The following TMEM266 variants were observed in gnomAD, a reference collection of about 807,000 sequenced individuals.
TMEM266 encodes the protein Hv1 related protein 1.
TMEM266 carries 33 observed loss-of-function variants against 50.5 expected under a neutral mutation model. The ratio of observed to expected loss-of-function variants is 0.65; its 90% CI spans 0.50 to 0.87. The LOEUF (loss-of-function observed/expected upper bound fraction) is 0.87, where lower values mean the gene tolerates loss of function less well. TMEM266 is among the 40% of genes least tolerant of loss of function. The pLI is 0.00. For synonymous variants in TMEM266, 310 were observed against 292.3 expected, an observed-to-expected ratio of 1.06 and a Z score of -0.62; for missense variants, 655 against 695.1, an observed-to-expected ratio of 0.94 and a Z score of 0.65.
chr15:76,151,779 C>A (rs959871821), intron 3 of TMEM266, among the ~76,000 whole-genome samples: 1 of 152,182 alleles, frequency 6.6e-6, no homozygotes, highest in Non-Finnish European at 1.5e-5. Context: ...CATTGAAATG[C>A]AGACTCAAAT....
At chr15:76,085,903 C>A (rs1185232002) in intron 1 of TMEM266, among the ~76,000 whole-genome samples, 1 of 151,924 alleles carries the variant, frequency 6.6e-6, no homozygotes. Flanking sequence ...AAAAAATTTG[C>A]TGGGTATGGT....
chr15:76,161,461 T>G lies in TMEM266; in HGVS notation c.456+1293T>G, dbSNP rs939369532. On this transcript the variant is annotated intron_variant, in intron 5 of 10. Transcript: ENST00000388942. This position sits in a 1 kb window ranked among gnomAD's most constrained non-coding sequence, Gnocchi z 4.1. ...TCCCCTCTGGCCTAGCTAATGGCTC[T>G]GCTCTCTCTCTCTCTCTCTCCCTAA... Among the ~76,000 whole-genome samples the G allele has an allele frequency of 7.2e-6, 1 of 137,934 alleles. No homozygotes were observed. The highest frequency in any genetic ancestry group is 1.6e-5 in the Non-Finnish European group (1 of 61,900). 90.5% of individuals were successfully genotyped at this position (137,934 alleles called of 152,430 possible).
rs759678524 is a variant in TMEM266, at chr15:76,204,217, C to T, written c.1498C>T (p.Pro500Ser). The T allele has an allele frequency of 1.5e-5, 24 of 1,613,990 alleles. No individual in the cohort carries two copies. Among genetic ancestry groups the T allele is most frequent in the Non-Finnish European group, 2.0e-5 (24 of 1,180,008 alleles). ...GGGCTTCACTGTCTTTCAGATCAGG[C>T]CTGTCATCCACTTCCAGCCCACTGT... Residue 500 changes from proline to serine, a missense_variant, in exon 11 of 11, where the codon CCT becomes TCT. Around this residue, in one of 3 missense-constraint regions of TMEM266, gnomAD observed 455 missense variants for 401.8 expected, o/e 1.13. Transcript: ENST00000388942.
At chr15:76,130,919 C>T (rs2935977) in intron 1 of TMEM266, among the ~76,000 whole-genome samples, 64,516 of 151,924 alleles carry the variant, frequency 0.42, 15,186 homozygotes, top group East Asian at 0.65. Flanking sequence ...TTTATAAATA[C>T]AGATTTGTGA....
chr15:76,181,428 C>T (rs2038402782), intron 8 of TMEM266: 1 of 152,254 alleles, frequency 6.6e-6, no homozygotes, highest in South Asian at 2.1e-4. Context: ...TCAGTCATAC[C>T]ATTCCAAAGC....
At chr15:76,086,935 G>T (rs1465157422) in intron 1 of TMEM266, among the ~76,000 whole-genome samples, 2 of 151,338 alleles carry the variant, frequency 1.3e-5, no homozygotes, top group Non-Finnish European at 2.9e-5. Flanking sequence ...GGTCGGGGGG[G>T]GGGCGGTGGT....
At chr15:76,131,464 TG>T (rs1338158309) in intron 1 of TMEM266, among the ~76,000 whole-genome samples, 28 of 152,364 alleles carry the variant, frequency 1.8e-4, no homozygotes, top group South Asian at 2.1e-4. Flanking sequence ...TTCCCATTTA[TG>T]GATATCTCAA....
chr15:76,169,731 G>T lies in TMEM266; in HGVS notation c.457-85G>T, dbSNP rs902286788. ...CCTTTTCCTTTTACTGAATGCAGAAGCAGAGCTCTGAGTGCTGAGCTCTGG... is the reference window on the plus strand; with the variant it reads ...CCTTTTCCTTTTACTGAATGCAGAATCAGAGCTCTGAGTGCTGAGCTCTGG... On this transcript the variant is annotated intron_variant, in intron 5 of 10. Transcript: ENST00000388942. 1.5e-5 allele frequency: 22 copies of T among 1,433,768 alleles called. No individual in the cohort carries two copies. In the African/African-American group the frequency reaches 2.4e-4, roughly 16 times the overall value. The allele number at this position is 1,433,768 out of a possible 1,614,324, so 88.8% of individuals were successfully genotyped here. A position where few individuals can be genotyped will look rare whatever the true frequency, so the allele number is the denominator to read the frequency against.
At chr15:76,126,374 C>CATATATATATAT (rs61446223) in intron 1 of TMEM266, among the ~76,000 whole-genome samples, 63 of 137,810 alleles carry the variant, frequency 4.6e-4, no homozygotes, top group African/African-American at 1.5e-3. Flanking sequence ...CACCCACAGA[C>CATATATATATAT]ATATATATAT....
In TMEM266 at chr15:76,147,681, G is replaced by T. The variant is rs574634352; in HGVS notation, c.228-8923G>T. Among the ~76,000 whole-genome samples, 8 of 152,356 alleles carry T rather than the reference G, an allele frequency of 5.3e-5. No homozygotes were observed. The South Asian group carries it at 1.0e-3, about 20-fold the overall frequency. ...AAAACATTTTTCCTGATGAGCACTG[G>T]TTAGCTGCCTTTCCTGTAGTCCTGG... On this transcript the variant is annotated intron_variant, in intron 3 of 10. Coordinates refer to ENST00000388942, the MANE Select transcript of TMEM266 (RefSeq NM_152335.3).
chr15:76,194,343 TTA>T (rs2038624658), intron 9 of TMEM266, among the ~76,000 whole-genome samples: 2 of 152,208 alleles, frequency 1.3e-5, no homozygotes, highest in South Asian at 4.1e-4. Context: ...TCAGCCTTTG[TTA>T]TGTCTGGACC....
intron 1 of TMEM266, among the ~76,000 whole-genome samples, chr15:76,125,191 G>T (rs1222300459): frequency 6.6e-6 from 1 of 152,112 alleles, no homozygotes; most frequent in Non-Finnish European, 1.5e-5. Flanking sequence ...CAAAACCCTA[G>T]AGGAAAACAT....
intron 9 of TMEM266, among the ~76,000 whole-genome samples, chr15:76,196,459 C>T (rs2038657851): frequency 6.6e-6 from 1 of 152,214 alleles, no homozygotes; most frequent in East Asian, 1.9e-4. Context: ...GCTGATCTCT[C>T]CTTGACCAGG....
chr15:76,115,376 G>C (rs1254646483), intron 1 of TMEM266, among the ~76,000 whole-genome samples: 1 of 152,200 alleles, frequency 6.6e-6, no homozygotes, highest in African/African-American at 2.4e-5. Flanking sequence ...TCAGGACTTA[G>C]GTTCATTTTC....
Position 76,139,449 on chromosome 15 carries a change from T to G in TMEM266, c.227+1554T>G, listed in dbSNP as rs2142033310. On this transcript the variant is annotated intron_variant, in intron 3 of 10. Coordinates refer to ENST00000388942, the MANE Select transcript of TMEM266 (RefSeq NM_152335.3). The surrounding 1 kb of genome is among the most constrained non-coding windows in gnomAD (Gnocchi z 4.1). ...GTCCTTACCATCTTGAAGGCCGGGC[T>G]GAAACCTGAGGCCCCTGGGCCAGGG... Among the ~76,000 whole-genome samples the G allele has an allele frequency of 6.6e-6, 1 of 152,354 alleles. No homozygotes were observed. The highest frequency in any genetic ancestry group is 2.4e-5 in the African/African-American group (1 of 41,596).
At chr15:76,081,084 G>A (rs953248413) in intron 1 of TMEM266, among the ~76,000 whole-genome samples, 14 of 152,122 alleles carry the variant, frequency 9.2e-5, no homozygotes, top group African/African-American at 3.4e-4. Flanking sequence ...TTTCTCTATT[G>A]GGATAGATTT....
chr15:76,167,693 G>A (rs1354360575), intron 5 of TMEM266, among the ~76,000 whole-genome samples: 1 of 151,910 alleles, frequency 6.6e-6, no homozygotes, highest in African/African-American at 2.4e-5. Flanking sequence ...GTAGAGATGA[G>A]GTTTCACCAT....
Position 76,156,696 on chromosome 15 carries a change from G to C in TMEM266, c.320G>C (p.Cys107Ser). 6.2e-7 allele frequency: 1 copy of C among 1,614,194 alleles called. No individual in the cohort carries two copies. Among genetic ancestry groups the C allele is most frequent in the South Asian group, 1.1e-5 (1 of 91,092 alleles). Residue 107 changes from cysteine to serine, a missense_variant, in exon 4 of 11, where the codon TGT becomes TCT. This residue lies in a region of TMEM266 where 101 missense variants were observed against 182.6 expected (regional missense o/e 0.55). Coordinates refer to ENST00000388942, the MANE Select transcript of TMEM266 (RefSeq NM_152335.3). ...AGTCTCAACAGTTTCCTGGTAGCCT[G>C]TGTAATATTGGTGGTGATTCTCCTG...
rs575116895 is a variant in TMEM266 at position 76,089,986 on chromosome 15, G to A, written c.-97+29970G>A. Among the ~76,000 whole-genome samples the A allele has an allele frequency of 2.3e-4, 35 of 152,210 alleles. 1 individual carries two copies. The South Asian group carries it at 6.9e-3, about 30-fold the overall frequency. Reference sequence around the variant, plus strand: ...CTTCACAAGACAAAATAAAAACCACGAACATGGAAACAGCCTTTGGATGGA... The same window carrying A: ...CTTCACAAGACAAAATAAAAACCACAAACATGGAAACAGCCTTTGGATGGA... On this transcript the variant is annotated intron_variant, in intron 1 of 10. Transcript: ENST00000388942.
Sources: allele counts gnomAD v4.1 joint callset (sites outside exome capture counted in the v4.1 genomes callset), GRCh38; gene constraint gnomAD v4.1.1; regional missense constraint gnomAD v4.1.1; non-coding constraint Gnocchi (gnomAD v3.1); transcripts MANE v1.5; gene names NCBI Gene and HGNC (gene_info 2026-07-23, HGNC 2026-07-21).